LTBP2: variants seen among roughly 807,000 people sequenced by gnomAD.
The protein encoded by LTBP2 is latent transforming growth factor beta binding protein 2, also known as latent-transforming growth factor beta-binding protein 2.
Under a neutral mutation model 210.6 loss-of-function variants are expected in LTBP2, and 103 were observed. The observed-to-expected ratio is 0.49, with a 90% CI of 0.42 to 0.58. LTBP2 has a LOEUF of 0.58. Ranked by LOEUF, LTBP2 falls within the 20% of genes least tolerant of loss-of-function variation. LTBP2 has a pLI of 0.00. For synonymous variants in LTBP2, 1,007 were observed against 1,015.0 expected (o/e 0.99, Z 0.15); for missense variants, 2,313 against 2,494.5 (o/e 0.93, Z 1.55).
chr14:74,507,332 G>C (rs373289173), intron 25 of LTBP2, 22 bp from the exon 26 acceptor site: 2 of 1,613,794 alleles, frequency 1.2e-6, no homozygotes, highest in East Asian at 4.5e-5. Context: ...GCCATGCCAT[G>C]AGAGAGGACA....
intron 2 of LTBP2, among the ~76,000 whole-genome samples, chr14:74,589,013 C>T (rs897861777): frequency 6.6e-6 from 1 of 152,212 alleles, no homozygotes; most frequent in Admixed American, 6.5e-5. Flanking sequence ...CTGTTGGCTT[C>T]AAGTCAGCCA....
intron 9 of LTBP2, among the ~76,000 whole-genome samples, chr14:74,535,121 A>G (rs2087402363): frequency 6.6e-6 from 1 of 152,036 alleles, no homozygotes; most frequent in African/African-American, 2.4e-5. Context: ...TGGGCCAGAG[A>G]CCTGCCCTTT....
chr14:74,506,153 C>A lies in LTBP2; in HGVS notation c.4072G>T (p.Ala1358Ser), dbSNP rs139138043. ...CCCTCCACGTTCTCACAGAGCGCGG[C>A]CCCACATACCGCCAGCATAAGCTCA... ...ECELMLAVCG[A>S]ALCENVEGSF... The change falls in exon 28 of 36, where the codon GCC becomes TCC. Residue 1358 changes from alanine to serine, a missense_variant. Physicochemically the swap from Ala to Ser is moderately conservative, Grantham distance 99. Transcript: ENST00000261978. The A allele has an allele frequency of 1.6e-4, 251 of 1,614,204 alleles. No individual in the cohort carries two copies. In the African/African-American group the frequency reaches 3.1e-3, roughly 20 times the overall value.
chr14:74,526,820 G>A (rs1051027108), intron 13 of LTBP2, among the ~76,000 whole-genome samples: 2 of 152,154 alleles, frequency 1.3e-5, no homozygotes, highest in African/African-American at 4.8e-5. Context: ...TTCCTGGGAC[G>A]ACACCCAGGT....
rs768947464 is a variant in LTBP2 at position 74,611,681 on chromosome 14, GGCCCGCTCCACGGGCTGCAA to G, written c.244_263del (p.Leu82ProfsTer137). The G allele has an allele frequency of 1.9e-6, 3 of 1,572,758 alleles. No homozygotes were observed. Among genetic ancestry groups the G allele is most frequent in the Non-Finnish European group, 2.6e-6 (3 of 1,165,844 alleles). On this transcript the variant is annotated frameshift_variant, in exon 1 of 36. Coordinates refer to ENST00000261978, the MANE Select transcript of LTBP2 (RefSeq NM_000428.3). LOFTEE classifies it high-confidence loss of function. ...TCCTGGGGCTCCCCCAGCCCGGCTG[GGCCCGCTCCACGGGCTGCAA>G]GCCCGCGACAGGCGCGTCCTGCTCC...
chr14:74,503,897 G>A, intron 31 of LTBP2, 29 bp downstream of exon 31: 1 of 1,613,534 alleles, frequency 6.2e-7, no homozygotes, highest in Non-Finnish European at 8.5e-7. Flanking sequence ...TGGGCCTGGG[G>A]TGGGGGCAGG....
intron 18 of LTBP2, among the ~76,000 whole-genome samples, chr14:74,515,600 T>G (rs915576272): frequency 6.6e-6 from 1 of 152,146 alleles, no homozygotes; most frequent in Non-Finnish European, 1.5e-5. Context: ...TTGATTCATT[T>G]CCTCTCATTT....
intron 1 of LTBP2, among the ~76,000 whole-genome samples, chr14:74,606,344 C>A (rs561635437): frequency 3.3e-5 from 5 of 152,372 alleles, no homozygotes; most frequent in Admixed American, 2.6e-4. Context: ...GTCCCCATCA[C>A]CCCCACCTTG....
intron 12 of LTBP2, among the ~76,000 whole-genome samples, chr14:74,527,675 A>G (rs1193025043): frequency 6.6e-6 from 1 of 152,070 alleles, no homozygotes; most frequent in Non-Finnish European, 1.5e-5. Context: ...CTGCTCCCGG[A>G]CCTGTCCACC....
chr14:74,553,068 G>A lies in LTBP2; in HGVS notation c.1022-6C>T, dbSNP rs2087682529. ...TTTCTCCGTGAGGTTCAGCCCTGCA[G>A]AGAGAGGGCTTGGGTCCAGGGGGCA... On this transcript the variant is annotated splice_polypyrimidine_tract_variant and splice_region_variant and intron_variant, in intron 4 of 35. Transcript: ENST00000261978. 3 of 1,613,940 alleles carry A rather than the reference G, an allele frequency of 1.9e-6. No homozygotes were observed. The highest frequency in any genetic ancestry group is 1.3e-5 in the African/African-American group (1 of 74,948).
intron 18 of LTBP2, 29 bp downstream of exon 18, chr14:74,516,793 A>ACGGGGGGGGGGGGGGGGGTT: frequency 1.4e-6 from 2 of 1,455,884 alleles, no homozygotes; most frequent in Non-Finnish European, 9.3e-7. Context: ...GTGGGGTGGC[A>ACGGGGGGGGGGGGGGGGGTT]GGGCGCTTCC....
At chr14:74,597,382 G>A (rs78074448) in intron 2 of LTBP2, among the ~76,000 whole-genome samples, 9 of 152,202 alleles carry the variant, frequency 5.9e-5, no homozygotes, top group African/African-American at 9.7e-5. Context: ...ACATTAAGAC[G>A]TCAGGTAGAG....
chr14:74,538,382 C>A (rs953877014), intron 8 of LTBP2, among the ~76,000 whole-genome samples: 2 of 152,030 alleles, frequency 1.3e-5, no homozygotes, highest in Admixed American at 6.6e-5. Context: ...CATGGTAAGA[C>A]CCCCTGAGAA....
chr14:74,596,661 G>A (rs920251105), intron 2 of LTBP2, among the ~76,000 whole-genome samples: 1 of 152,218 alleles, frequency 6.6e-6, no homozygotes, highest in South Asian at 2.1e-4. Context: ...AGGCAGCAGG[G>A]AAGCAGGCAG....
chr14:74,583,599 G>A (rs1394339257), intron 3 of LTBP2, among the ~76,000 whole-genome samples: 3 of 152,252 alleles, frequency 2.0e-5, no homozygotes, highest in Non-Finnish European at 4.4e-5. Flanking sequence ...ACCTCACCCA[G>A]GACCTTGGCC....
At chr14:74,535,833 A>G in intron 9 of LTBP2, 93 bp downstream of exon 9, 1 of 1,121,750 alleles carries the variant, frequency 8.9e-7, no homozygotes, top group Non-Finnish European at 1.3e-6. Context: ...GACTCAGTGG[A>G]GACCACTCGG....
At position 74,509,745 on chromosome 14, in the gene LTBP2, G is replaced by A. The variant is rs2139696514; in HGVS notation, c.3266C>T (p.Thr1089Ile). Residue 1089 changes from threonine (T) to isoleucine (I), a missense_variant, in exon 21 of 36, where the codon ACT becomes ATT. By Grantham distance (89) the Thr-to-Ile change is moderately conservative (BLOSUM62 -1). Coordinates refer to ENST00000261978, the MANE Select transcript of LTBP2 (RefSeq NM_000428.3). Reference protein sequence around the residue: ...ENGYWVNEDGTACEDLDECAF... With the variant: ...ENGYWVNEDGIACEDLDECAF... ...CTCCCCAGGGTTACCTTCACAGGCA[G>A]TGCCGTCTTCATTCACCCAGTACCC... 2 of 1,614,078 alleles carry A rather than the reference G, an allele frequency of 1.2e-6. No homozygotes were observed. Among genetic ancestry groups the A allele is most frequent in the Non-Finnish European group, 1.7e-6 (2 of 1,180,008 alleles).
rs141504674 is a variant in LTBP2 at position 74,506,450 on chromosome 14, G to A, written c.4033+248C>T. 3.9e-5 allele frequency among the ~76,000 whole-genome samples: 6 copies of A among 152,282 alleles called. No individual in the cohort carries two copies. The East Asian group carries it at 1.2e-3, about 29-fold the overall frequency. On this transcript the variant is annotated intron_variant, in intron 27 of 35. Coordinates refer to ENST00000261978, the MANE Select transcript of LTBP2 (RefSeq NM_000428.3). ...TCAGTGCACATTCTCCAAACCTCCT[G>A]CCTCCTGAGGCTCTGAGGCTTGAGG...
chr14:74,571,186 G>T (rs1190712193), intron 3 of LTBP2, among the ~76,000 whole-genome samples: 1 of 152,124 alleles, frequency 6.6e-6, no homozygotes, highest in African/African-American at 2.4e-5. Context: ...ACAAAAATTA[G>T]CTGAGCATGG....
Sources: gnomAD v4.1 joint callset for allele counts (sites outside exome capture counted in the v4.1 genomes callset) on GRCh38, gnomAD v4.1.1 for gene constraint, MANE v1.5 for transcripts, NCBI Gene and HGNC (gene_info 2026-07-23, HGNC 2026-07-21) for gene names.